Variants in NUTM1 observed in about 807,000 individuals in gnomAD.
The protein encoded by NUTM1 is NUT midline carcinoma family member 1.
A neutral mutation model predicts 88.7 loss-of-function variants in NUTM1; 39 were observed. That is an observed-to-expected ratio of 0.44 (90% CI 0.34 to 0.57). The LOEUF (loss-of-function observed/expected upper bound fraction) is 0.57, where lower values mean the gene tolerates loss of function less well. NUTM1 is among the 20% of genes least tolerant of loss of function. The pLI is 0.01. For missense variants in NUTM1, 1,350 were observed against 1,414.5 expected, an observed-to-expected ratio of 0.95 and a Z score of 0.73; for synonymous variants, 494 against 538.0, an observed-to-expected ratio of 0.92 and a Z score of 1.13.
intron 1 of NUTM1, among the ~76,000 whole-genome samples, chr15:34,345,467 T>G (rs1313002870): frequency 6.6e-6 from 1 of 152,224 alleles, no homozygotes; most frequent in Non-Finnish European, 1.5e-5. Flanking sequence ...ACAATTCTAA[T>G]TTTAAACTTT....
In NUTM1 at chr15:34,346,311, G is replaced by A. The variant is rs78390288; in HGVS notation, c.100+276G>A. 1.1e-4 allele frequency among the ~76,000 whole-genome samples: 16 copies of A among 152,086 alleles called. No individual in the cohort carries two copies. The East Asian group carries it at 2.9e-3, about 28-fold the overall frequency. On this transcript the variant is annotated intron_variant, in intron 2 of 7. Transcript: ENST00000537011. ...ATTCTCTTGAACAGGGGACACTTCC[G>A]CATGTGTTTTTGTGGTGGGAGAGAG...
chr15:34,348,023 C>T lies in NUTM1; in HGVS notation c.155C>T (p.Pro52Leu), dbSNP rs528007806. The change falls in exon 3 of 8, where the codon CCA becomes CTA. Residue 52 changes from proline (P) to leucine (L), a missense_variant. By Grantham distance (98) the Pro-to-Leu change is moderately conservative (BLOSUM62 -3). This residue lies in a region of NUTM1 where 399 missense variants were observed against 397.9 expected (regional missense o/e 1.00). Coordinates refer to ENST00000537011, the MANE Select transcript of NUTM1 (RefSeq NM_001284292.2). ...MSMKPSAAPS[P>L]SPALPFLPPT... The stretch of plus-strand genomic sequence containing the variant: ...ATGAAACCTAGTGCCGCCCCGTCTC[C>T]ATCCCCTGCACTTCCCTTTCTCCCA... 6.2e-7 allele frequency: 1 copy of T among 1,613,948 alleles called. No individual in the cohort carries two copies. The highest frequency in any genetic ancestry group is 2.2e-5 in the East Asian group (1 of 44,878).
At chr15:34,354,792 C>CT (rs760359415) in intron 6 of NUTM1, 60 bp downstream of exon 6, 160 of 1,544,966 alleles carry the variant, frequency 1.0e-4, no homozygotes, top group Non-Finnish European at 1.2e-4. Flanking sequence ...CTCCCGGGAA[C>CT]TAATGATCTG....
Position 34,353,712 on chromosome 15 carries a change from CTATG to C in NUTM1, c.939-23_939-20del, listed in dbSNP as rs1890748502. The C allele has an allele frequency of 6.2e-7, 1 of 1,613,794 alleles. No individual in the cohort carries two copies. Among genetic ancestry groups the C allele is most frequent in the African/African-American group, 1.3e-5 (1 of 74,916 alleles). On this transcript the variant is annotated intron_variant, in intron 4 of 7. Transcript: ENST00000537011. ...GGTCTGGTCTCCTTCTCAGCATTGC[CTATG>C]CCTTTCTCACCCTCTGCAGGTTCAT...
rs141683388 is a variant in NUTM1 at position 34,348,600 on chromosome 15, G to A, written c.732G>A (p.Gln244=). The part of the protein sequence containing the change: ...ISKDVYENFR[Q]WQRYKALARR... ...AGGACGTTTATGAGAACTTCCGTCAGTGGCAGCGTTACAAAGCCTTGGCCC... is the reference window on the plus strand; with the variant it reads ...AGGACGTTTATGAGAACTTCCGTCAATGGCAGCGTTACAAAGCCTTGGCCC... The change falls in exon 3 of 8, where the codon CAG becomes CAA. Residue 244 remains glutamine (Q), a synonymous_variant. Coordinates refer to ENST00000537011, the MANE Select transcript of NUTM1 (RefSeq NM_001284292.2). 3.2e-5 allele frequency: 51 copies of A among 1,611,960 alleles called. No individual in the cohort carries two copies. The highest frequency in any genetic ancestry group is 4.3e-5 in the Non-Finnish European group (51 of 1,180,016).
chr15:34,350,093 A>G lies in NUTM1; in HGVS notation c.810-611A>G, dbSNP rs559534454. On this transcript the variant is annotated intron_variant, in intron 3 of 7. Transcript: ENST00000537011. ...TGCCCAATAATGTCTGAGGACTCCAAGGGAGTCAGAGAGACAAAAATGAAG... is the reference window on the plus strand; with the variant it reads ...TGCCCAATAATGTCTGAGGACTCCAGGGGAGTCAGAGAGACAAAAATGAAG... Among the ~76,000 whole-genome samples, 6 of 152,300 alleles carry G rather than the reference A, an allele frequency of 3.9e-5. No homozygotes were observed. The South Asian group carries it at 1.0e-3, about 26-fold the overall frequency.
Position 34,356,112 on chromosome 15 carries a change from A to G in NUTM1, c.2104A>G (p.Lys702Glu), listed in dbSNP as rs1388802543. Residue 702 changes from lysine to glutamate, a missense_variant, in exon 8 of 8, where the codon AAG becomes GAG. By Grantham distance (56) the Lys-to-Glu change is moderately conservative. This residue lies in a region of NUTM1 where 730 missense variants were observed against 728.8 expected (regional missense o/e 1.00). Coordinates refer to ENST00000537011, the MANE Select transcript of NUTM1 (RefSeq NM_001284292.2). ...TGGRGVLPQGKEPLAVPWEGS... is the reference protein window; with the variant it reads ...TGGRGVLPQGEEPLAVPWEGS... ...GGGTCGTGGAGTGCTTCCTCAAGGGAAGGAGCCTTTAGCAGTGCCCTGGGA... is the reference window on the plus strand; with the variant it reads ...GGGTCGTGGAGTGCTTCCTCAAGGGGAGGAGCCTTTAGCAGTGCCCTGGGA... 6.2e-7 allele frequency: 1 copy of G among 1,613,472 alleles called. No individual in the cohort carries two copies. Among genetic ancestry groups the G allele is most frequent in the Non-Finnish European group, 8.5e-7 (1 of 1,179,526 alleles).
In NUTM1 at chr15:34,355,367, T is replaced by C. The variant is rs347896; in HGVS notation, c.1480-121T>C. 275,296 of 925,920 alleles carry C rather than the reference T, an allele frequency of 0.3. 42,910 individuals carry two copies. The highest frequency in any genetic ancestry group is 0.33 in the Non-Finnish European group (197,749 of 598,794). The allele number at this position is 925,920 out of a possible 1,614,324, so 57.4% of individuals were successfully genotyped here. ...AAAGAGCTGCAGTATCTGTCTTTGC[T>C]ACCATCGCTTAAACTACTTGCTTGC... On this transcript the variant is annotated intron_variant, in intron 7 of 7. Transcript: ENST00000537011. This position sits in a 1 kb window ranked among gnomAD's most constrained non-coding sequence, Gnocchi z 4.3.
In NUTM1 at chr15:34,343,330, T is replaced by A; in HGVS notation, c.-367T>A. ...TGGAGTGTCCCTACTGTGTGCTAGGTACACGGCGTTAGAGGGGGGTAGGGA... is the reference window on the plus strand; with the variant it reads ...TGGAGTGTCCCTACTGTGTGCTAGGAACACGGCGTTAGAGGGGGGTAGGGA... On this transcript the variant is annotated 5_prime_UTR_variant, in exon 1 of 8. Transcript: ENST00000537011. The A allele has an allele frequency of 1.6e-6, 1 of 623,978 alleles. No individual in the cohort carries two copies. Among genetic ancestry groups the A allele is most frequent in the Admixed American group, 2.6e-5 (1 of 39,128 alleles). The allele number at this position is 623,978 out of a possible 1,614,324, so 38.7% of individuals were successfully genotyped here.
chr15:34,345,926 C>T lies in NUTM1; in HGVS notation c.7-16C>T, dbSNP rs1890577401. ...ACCTTCCCTTCCTTGGATCCCTGTGCACCTACTGGAGCCAGGTTACTCTGG... is the reference window on the plus strand; with the variant it reads ...ACCTTCCCTTCCTTGGATCCCTGTGTACCTACTGGAGCCAGGTTACTCTGG... On this transcript the variant is annotated splice_polypyrimidine_tract_variant and intron_variant, in intron 1 of 7. Coordinates refer to ENST00000537011, the MANE Select transcript of NUTM1 (RefSeq NM_001284292.2). The T allele has an allele frequency of 1.2e-6, 2 of 1,613,686 alleles. No individual in the cohort carries two copies. Among genetic ancestry groups the T allele is most frequent in the Non-Finnish European group, 1.7e-6 (2 of 1,179,748 alleles).
chr15:34,345,878 T>C (rs1890575809), intron 1 of NUTM1, 64 bp from the exon 2 acceptor site: 11 of 1,590,220 alleles, frequency 6.9e-6, no homozygotes, highest in East Asian at 2.2e-5. Flanking sequence ...TTCCGTATTC[T>C]AGTTCTGTGT....
chr15:34,346,907 A>T (rs999946895), intron 2 of NUTM1, among the ~76,000 whole-genome samples: 2 of 149,244 alleles, frequency 1.3e-5, no homozygotes, highest in African/African-American at 4.9e-5. Context: ...AAAAAAAAAA[A>T]GCAGCACTTA....
chr15:34,347,558 T>G (rs1751787260), intron 2 of NUTM1, among the ~76,000 whole-genome samples: 1 of 150,536 alleles, frequency 6.6e-6, no homozygotes, highest in Admixed American at 6.6e-5. Flanking sequence ...GTGCCCGGCC[T>G]CTACAAAAAA....
chr15:34,353,122 T>C (rs1468638152), intron 4 of NUTM1, among the ~76,000 whole-genome samples: 8 of 151,750 alleles, frequency 5.3e-5, no homozygotes, highest in Non-Finnish European at 1.2e-4. Context: ...CCTGACCTCA[T>C]GATCCGCCCG....
In NUTM1 at chr15:34,357,662, A is replaced by G; in HGVS notation, c.*171A>G. The G allele has an allele frequency of 8.1e-7, 1 of 1,227,610 alleles. No individual in the cohort carries two copies. The highest frequency in any genetic ancestry group is 1.2e-5 in the South Asian group (1 of 82,524). 76.0% of individuals were successfully genotyped at this position (1,227,610 alleles called of 1,614,324 possible). ...CATGGAGAGAGAGGTCAGACTGGCT[A>G]GGCTGCAGGGGGAATTACCTTTGGA... On this transcript the variant is annotated 3_prime_UTR_variant, in exon 8 of 8. Coordinates refer to ENST00000537011, the MANE Select transcript of NUTM1 (RefSeq NM_001284292.2).
At chr15:34,349,778 T>A (rs1890673417) in intron 3 of NUTM1, among the ~76,000 whole-genome samples, 2 of 152,254 alleles carry the variant, frequency 1.3e-5, no homozygotes, top group South Asian at 4.1e-4. Flanking sequence ...AAGTCCTAGA[T>A]GTACAGCGTC....
Position 34,357,115 on chromosome 15 carries a change from AG to A in NUTM1, c.3109del (p.Glu1037LysfsTer69). 6.2e-7 allele frequency: 1 copy of A among 1,614,138 alleles called. No homozygotes were observed. Among genetic ancestry groups the A allele is most frequent in the Non-Finnish European group, 8.5e-7 (1 of 1,179,996 alleles). On this transcript the variant is annotated frameshift_variant, in exon 8 of 8. Coordinates refer to ENST00000537011, the MANE Select transcript of NUTM1 (RefSeq NM_001284292.2). LOFTEE classifies it high-confidence loss of function. The part of the protein sequence containing the change: ...DRAKGKEKKK[K>X]EAEEEDEELS... ...GCCAAAGGAAAGGAGAAAAAGAAAA[AG>A]GAAGCAGAGGAAGAGGATGAGGAAC...
intron 1 of NUTM1, 121 bp from the exon 2 acceptor site, chr15:34,345,821 T>G: frequency 4.5e-6 from 6 of 1,321,954 alleles, no homozygotes; most frequent in Non-Finnish European, 6.1e-6. Flanking sequence ...GTCCCCACCC[T>G]CACCCCACTT....
intron 2 of NUTM1, among the ~76,000 whole-genome samples, chr15:34,346,395 TTCATCTG>T (rs1460041777): frequency 2.0e-5 from 3 of 151,520 alleles, no homozygotes; most frequent in Non-Finnish European, 2.9e-5. Flanking sequence ...AAGGCCCAAG[TTCATCTG>T]TCTTTTTTAG....
Sources: allele counts gnomAD v4.1 joint callset (sites outside exome capture counted in the v4.1 genomes callset), GRCh38; gene constraint gnomAD v4.1.1; regional missense constraint gnomAD v4.1.1; non-coding constraint Gnocchi (gnomAD v3.1); transcripts MANE v1.5; gene names NCBI Gene and HGNC (gene_info 2026-07-23, HGNC 2026-07-21).